The following RALGAPA1 variants were observed in gnomAD, a reference collection of about 807,000 sequenced individuals.
The protein encoded by RALGAPA1 is Ral GTPase activating protein catalytic subunit alpha 1.
RALGAPA1 carries 52 observed loss-of-function variants against 269.6 expected under a neutral mutation model. The ratio of observed to expected loss-of-function variants is 0.19; its 90% CI spans 0.15 to 0.24. RALGAPA1 has a LOEUF of 0.24. RALGAPA1 is among the 10% of genes least tolerant of loss of function. RALGAPA1 has a pLI of 1.00. For missense variants in RALGAPA1, 1,917 were observed against 3,013.9 expected (o/e 0.64, Z 8.52); for synonymous variants, 817 against 1,008.3 (o/e 0.81, Z 3.60).
At chr14:35,618,761 G>A (rs577876198) in intron 35 of RALGAPA1, among the ~76,000 whole-genome samples, 61 of 152,064 alleles carry the variant, frequency 4.0e-4, no homozygotes, top group Non-Finnish European at 7.8e-4. Context: ...TGTAAACAAA[G>A]TAAATATTAA....
chr14:35,679,271 C>T (rs965537099), intron 21 of RALGAPA1, among the ~76,000 whole-genome samples: 3 of 152,014 alleles, frequency 2.0e-5, no homozygotes, highest in Admixed American at 6.5e-5. Flanking sequence ...TACCTGTAAA[C>T]CTCTGCCCTC....
At chr14:35,595,832 C>T (rs2139014448) in intron 36 of RALGAPA1, 43 bp from the exon 37 acceptor site, 3 of 1,519,484 alleles carry the variant, frequency 2.0e-6, no homozygotes, top group African/African-American at 1.4e-5. Context: ...AAACAAAACC[C>T]AAATACACTA....
chr14:35,775,108 T>G, intron 2 of RALGAPA1, 53 bp from the exon 3 acceptor site: 1 of 1,028,334 alleles, frequency 9.7e-7, no homozygotes, highest in South Asian at 1.4e-5. Flanking sequence ...GTCCTCATAA[T>G]GAACTTAAAA....
At chr14:35,700,882 T>C (rs2140626016) in intron 16 of RALGAPA1, among the ~76,000 whole-genome samples, 1 of 152,330 alleles carries the variant, frequency 6.6e-6, no homozygotes, top group South Asian at 2.1e-4. Flanking sequence ...GGTAAGAGGA[T>C]GCTAATCAAA....
intron 16 of RALGAPA1, among the ~76,000 whole-genome samples, chr14:35,701,146 A>C (rs2067315496): frequency 6.6e-6 from 1 of 152,162 alleles, no homozygotes; most frequent in Non-Finnish European, 1.5e-5. Flanking sequence ...TTAAAGATAA[A>C]TTATAGTTCA....
chr14:35,750,113 A>T (rs961606268), intron 9 of RALGAPA1, among the ~76,000 whole-genome samples: 5 of 152,122 alleles, frequency 3.3e-5, no homozygotes, highest in Non-Finnish European at 5.9e-5. Context: ...CAGGTCTTTT[A>T]ATCTGCATTT....
At chr14:35,730,428 C>A (rs2070369365) in intron 12 of RALGAPA1, among the ~76,000 whole-genome samples, 3 of 151,794 alleles carry the variant, frequency 2.0e-5, no homozygotes, top group Non-Finnish European at 1.5e-5. Flanking sequence ...GCAGACTCCA[C>A]AGGCAGGGGA....
chr14:35,709,937 G>T (rs1471984031), intron 16 of RALGAPA1, among the ~76,000 whole-genome samples: 1 of 152,186 alleles, frequency 6.6e-6, no homozygotes, highest in African/African-American at 2.4e-5. Context: ...TTTAAGGCAT[G>T]TTTTATGACC....
At chr14:35,620,108 T>A (rs530336259) in intron 35 of RALGAPA1, among the ~76,000 whole-genome samples, 7 of 152,208 alleles carry the variant, frequency 4.6e-5, no homozygotes, top group Non-Finnish European at 7.4e-5. Flanking sequence ...GCAAAAATCC[T>A]CAATGAAATA....
At chr14:35,729,502 C>T (rs979595810) in intron 12 of RALGAPA1, among the ~76,000 whole-genome samples, 22 of 151,786 alleles carry the variant, frequency 1.4e-4, no homozygotes, top group African/African-American at 5.1e-4. Flanking sequence ...TCTGAGGGGC[C>T]CAGTAAGCAT....
In RALGAPA1 at chr14:35,728,536, T is replaced by C. The variant is rs751040176; in HGVS notation, c.1588-26A>G. On this transcript the variant is annotated intron_variant, in intron 12 of 41. Coordinates refer to ENST00000680220, the MANE Select transcript of RALGAPA1 (RefSeq NM_001346249.2). ...CTAAGACAAAAGAAATCATTAGCTA[T>C]TCACAAAGGAATTTCAATGGCAAAT... 6 of 1,554,166 alleles carry C rather than the reference T, an allele frequency of 3.9e-6. No homozygotes were observed. In the Admixed American group the frequency reaches 1.2e-4, roughly 31 times the overall value.
intron 39 of RALGAPA1, among the ~76,000 whole-genome samples, chr14:35,569,263 A>AAATT (rs1455852434): frequency 2.0e-5 from 3 of 152,222 alleles, no homozygotes; most frequent in African/African-American, 7.2e-5. Flanking sequence ...ACTTTCCTTT[A>AAATT]AAGCTTATCA....
At chr14:35,755,474 G>A (rs1321766859) in intron 7 of RALGAPA1, among the ~76,000 whole-genome samples, 1 of 152,142 alleles carries the variant, frequency 6.6e-6, no homozygotes. Flanking sequence ...TCATTAAACT[G>A]TAAATTTCAA....
intron 28 of RALGAPA1, 77 bp from the exon 29 acceptor site, chr14:35,655,992 A>G: frequency 6.2e-7 from 1 of 1,601,278 alleles, no homozygotes; most frequent in Non-Finnish European, 8.5e-7. Flanking sequence ...CAACTGACAC[A>G]GAATGAACAT....
intron 41 of RALGAPA1, among the ~76,000 whole-genome samples, chr14:35,545,240 G>C (rs1029163556): frequency 6.6e-6 from 1 of 151,844 alleles, no homozygotes; most frequent in Admixed American, 6.6e-5. Flanking sequence ...GCTAAAAAAG[G>C]TTACCTAAAG....
chr14:35,585,216 CA>C (rs965524781), intron 37 of RALGAPA1, among the ~76,000 whole-genome samples: 1 of 152,096 alleles, frequency 6.6e-6, no homozygotes, highest in Non-Finnish European at 1.5e-5. Context: ...GAATATTCAC[CA>C]AGACAGACCA....
At chr14:35,752,773 G>C (rs1295150173) in intron 7 of RALGAPA1, among the ~76,000 whole-genome samples, 1 of 152,180 alleles carries the variant, frequency 6.6e-6, no homozygotes, top group Non-Finnish European at 1.5e-5. Flanking sequence ...ACCCAATCAA[G>C]TTAAGGAGAA....
chr14:35,737,905 T>C (rs770816454), intron 12 of RALGAPA1, among the ~76,000 whole-genome samples: 5 of 148,036 alleles, frequency 3.4e-5, no homozygotes, highest in Non-Finnish European at 7.4e-5. Flanking sequence ...CTGGCCAACA[T>C]GGTGAAACCT....
intron 21 of RALGAPA1, among the ~76,000 whole-genome samples, chr14:35,682,473 G>T (rs2065537260): frequency 6.6e-6 from 1 of 151,816 alleles, no homozygotes; most frequent in African/African-American, 2.4e-5. Context: ...GCTAATTTTT[G>T]TTTTTTGTAT....
Sources: gnomAD v4.1 joint callset for allele counts (sites outside exome capture counted in the v4.1 genomes callset) on GRCh38, gnomAD v4.1.1 for gene constraint, MANE v1.5 for transcripts, NCBI Gene and HGNC (gene_info 2026-07-23, HGNC 2026-07-21) for gene names.